The following DIP2C variants were observed in gnomAD, a reference collection of about 807,000 sequenced individuals.
DIP2C encodes the protein DIP2 acetate--CoA ligase C (putative).
A neutral mutation model predicts 192.4 loss-of-function variants in DIP2C; 33 were observed. The observed-to-expected ratio is 0.17, with a 90% confidence interval of 0.13 to 0.23. The LOEUF (loss-of-function observed/expected upper bound fraction) is 0.23, where lower values mean the gene tolerates loss of function less well. DIP2C is among the 10% of genes least tolerant of loss of function. DIP2C has a pLI of 1.00. For missense variants in DIP2C, 1,537 were observed against 2,110.1 expected (o/e 0.73, Z 5.32); for synonymous variants, 979 against 864.1 (o/e 1.13, Z -2.33).
At chr10:444,168 A>C (rs1967964016) in intron 3 of DIP2C, among the ~76,000 whole-genome samples, 1 of 151,998 alleles carries the variant, frequency 6.6e-6, no homozygotes. Flanking sequence ...GCCACTGTTC[A>C]TTCATGAGGA....
chr10:414,127 C>G lies in DIP2C; in HGVS notation c.860-17G>C. 6.3e-7 allele frequency: 1 copy of G among 1,596,240 alleles called. No homozygotes were observed. The highest frequency in any genetic ancestry group is 8.6e-7 in the Non-Finnish European group (1 of 1,168,050). On this transcript the variant is annotated splice_polypyrimidine_tract_variant and intron_variant, in intron 7 of 36. Coordinates refer to ENST00000280886, the MANE Select transcript of DIP2C (RefSeq NM_014974.3). The stretch of plus-strand genomic sequence containing the variant: ...GTTGTTGAACTAAATCGTTTGAATA[C>G]AAGAGGTTACAAGAGAAATGCATCC...
chr10:341,093 G>T, intron 29 of DIP2C, 106 bp downstream of exon 29: 2 of 1,502,678 alleles, frequency 1.3e-6, no homozygotes, highest in Non-Finnish European at 1.8e-6. Context: ...TCCTCTGGCA[G>T]GAGTGGGGGT....
At chr10:485,066 C>T (rs1467785870) in intron 2 of DIP2C, 10 of 1,311,320 alleles carry the variant, frequency 7.6e-6, no homozygotes, top group Non-Finnish European at 1.0e-5. Flanking sequence ...CCAAGGGGAC[C>T]ACAGGGCACG....
intron 1 of DIP2C, among the ~76,000 whole-genome samples, chr10:641,182 C>T (rs1168638381): frequency 6.6e-6 from 1 of 151,604 alleles, no homozygotes; most frequent in Non-Finnish European, 1.5e-5. Context: ...GATCTCAAGG[C>T]AACACCTCGT....
chr10:275,559 G>GC lies in DIP2C; in HGVS notation c.*1765dup, dbSNP rs1338879424. The GC allele has an allele frequency of 6.7e-6, 1 of 148,950 alleles. No individual in the cohort carries two copies. 9.2% of individuals were successfully genotyped at this position (148,950 alleles called of 1,614,324 possible). On this transcript the variant is annotated 3_prime_UTR_variant, in exon 37 of 37. Transcript: ENST00000280886. ...TTTAGCAAAAGGCTTACTGCTGACT[G>GC]CATATAGCAAAGGCAGAGAAAGACG...
chr10:290,929 G>T (rs1214567008), intron 32 of DIP2C, among the ~76,000 whole-genome samples: 1 of 152,380 alleles, frequency 6.6e-6, no homozygotes, highest in Non-Finnish European at 1.5e-5. Flanking sequence ...GTCGCTACAG[G>T]GATGACTTCA....
Position 399,090 on chromosome 10 carries a change from C to G in DIP2C, c.1260+19G>C, listed in dbSNP as rs1645865522. On this transcript the variant is annotated intron_variant, in intron 10 of 36. Coordinates refer to ENST00000280886, the MANE Select transcript of DIP2C (RefSeq NM_014974.3). Reference sequence around the variant, plus strand: ...CCATCTCACTCAGCGAGAAACCGAGCAAAGGGCGCATTCCTTACCTTCCTG... The same window carrying G: ...CCATCTCACTCAGCGAGAAACCGAGGAAAGGGCGCATTCCTTACCTTCCTG... The G allele has an allele frequency of 1.3e-6, 2 of 1,599,082 alleles. No homozygotes were observed.
intron 2 of DIP2C, among the ~76,000 whole-genome samples, chr10:479,836 C>T (rs1843457533): frequency 6.6e-6 from 1 of 152,142 alleles, no homozygotes; most frequent in African/African-American, 2.4e-5. Flanking sequence ...TCGACGCTCA[C>T]TGGATGAGGG....
At chr10:304,302 CT>C (rs779896048) in intron 32 of DIP2C, among the ~76,000 whole-genome samples, 4 of 152,118 alleles carry the variant, frequency 2.6e-5, no homozygotes, top group Non-Finnish European at 4.4e-5. Flanking sequence ...AATTTTTCAG[CT>C]TCATTACAGT....
chr10:356,312 G>A (rs1305770272), intron 24 of DIP2C, 114 bp downstream of exon 24: 2 of 1,215,412 alleles, frequency 1.6e-6, no homozygotes, highest in Admixed American at 1.7e-5. Context: ...AACATAAAAA[G>A]AATTCCCATA....
rs184359048 is a variant in DIP2C at position 283,921 on chromosome 10, G to A, written c.4120-475C>T. On this transcript the variant is annotated intron_variant, in intron 34 of 36. Transcript: ENST00000280886. ...AGAAAAACAAAACCTAAGGGATGAA[G>A]GCACATAACACCAAAAACCGGAAAC... Among the ~76,000 whole-genome samples, 352 of 152,282 alleles carry A rather than the reference G, an allele frequency of 2.3e-3. 2 individuals carry two copies. The highest frequency in any genetic ancestry group is 8.1e-3 in the African/African-American group (335 of 41,554).
intron 3 of DIP2C, among the ~76,000 whole-genome samples, chr10:447,646 G>A (rs112668554): frequency 7.2e-6 from 1 of 139,802 alleles, no homozygotes; most frequent in African/African-American, 3.1e-5. Flanking sequence ...CACACACAGT[G>A]GGGCAGCAGG....
chr10:672,886 G>A (rs1249215014), intron 1 of DIP2C, among the ~76,000 whole-genome samples: 1 of 152,124 alleles, frequency 6.6e-6, no homozygotes, highest in Non-Finnish European at 1.5e-5. Context: ...CATTTCTTTT[G>A]TCATCCATGA....
intron 1 of DIP2C, among the ~76,000 whole-genome samples, chr10:587,593 C>T (rs1851146958): frequency 6.6e-6 from 1 of 152,106 alleles, no homozygotes; most frequent in Non-Finnish European, 1.5e-5. Context: ...TGAAACCCCA[C>T]ATCCACACCA....
chr10:330,256 C>T (rs1223321873), intron 29 of DIP2C, among the ~76,000 whole-genome samples: 4 of 152,038 alleles, frequency 2.6e-5, no homozygotes, highest in South Asian at 2.1e-4. Context: ...AGGATCCCAA[C>T]GAATTACCAA....
intron 1 of DIP2C, among the ~76,000 whole-genome samples, chr10:634,809 T>C (rs988897301): frequency 2.0e-5 from 3 of 151,996 alleles, no homozygotes; most frequent in East Asian, 1.9e-4. Flanking sequence ...CTCACGACAC[T>C]GTCAACATCT....
At chr10:457,096 T>C (rs1463209844) in intron 3 of DIP2C, among the ~76,000 whole-genome samples, 1 of 152,236 alleles carries the variant, frequency 6.6e-6, no homozygotes, top group Non-Finnish European at 1.5e-5. Context: ...ATCTCAATTC[T>C]TTGACAGATC....
At position 651,679 on chromosome 10, in the gene DIP2C, G is replaced by A. The variant is rs562692712; in HGVS notation, c.85+37815C>T. 21 of 347,050 alleles carry A rather than the reference G, an allele frequency of 6.1e-5. No individual in the cohort carries two copies. The highest frequency in any genetic ancestry group is 1.6e-4 in the South Asian group (7 of 44,386). 21.5% of individuals were successfully genotyped at this position (347,050 alleles called of 1,614,324 possible). On this transcript the variant is annotated intron_variant, in intron 1 of 36. Transcript: ENST00000280886. This position sits in a 1 kb window ranked among gnomAD's most constrained non-coding sequence, Gnocchi z 4.1. ...TGAATTCACGTCCCCCAAATTTTCC[G>A]TATCCCAAAATCTGGACTTTTGCTA...
At chr10:449,225 G>A (rs1400552342) in intron 3 of DIP2C, among the ~76,000 whole-genome samples, 3 of 152,156 alleles carry the variant, frequency 2.0e-5, no homozygotes, top group South Asian at 4.2e-4. Context: ...CACCCCCGTC[G>A]ATACTCAGCG....
Sources: gnomAD v4.1 joint callset for allele counts (sites outside exome capture counted in the v4.1 genomes callset) on GRCh38, gnomAD v4.1.1 for gene constraint, Gnocchi (gnomAD v3.1) non-coding constraint, MANE v1.5 for transcripts, NCBI Gene and HGNC (gene_info 2026-07-23, HGNC 2026-07-21) for gene names.